MYH16: variants seen among roughly 807,000 people sequenced by gnomAD.
MYH16 encodes the protein myosin heavy chain 16, also known as putative uncharacterized protein MYH16.
chr7:99,286,968 G>A (rs1187100703), intron 28 of MYH16, among the ~76,000 whole-genome samples: 2 of 152,148 alleles, frequency 1.3e-5, no homozygotes, highest in African/African-American at 4.8e-5. Context: ...AAGACAAACA[G>A]AAAGAGTTTG....
intron 4 of MYH16, among the ~76,000 whole-genome samples, chr7:99,249,253 GT>G (rs1366361740): frequency 5.3e-5 from 8 of 152,024 alleles, no homozygotes; most frequent in African/African-American, 1.9e-4. Flanking sequence ...GAACAGAAGT[GT>G]GTACCTTTGA....
exon 33 of MYH16, chr7:99,294,037 C>T (rs1480494935): frequency 6.6e-6 from 3 of 454,710 alleles, no homozygotes; most frequent in Non-Finnish European, 1.3e-5. Context: ...GGCCGCCAGG[C>T]TTCAGGAGGC....
In MYH16 at chr7:99,272,268, A is replaced by G. The variant is rs559112745; in HGVS notation, n.2404-1074A>G. Among the ~76,000 whole-genome samples, 215 of 152,244 alleles carry G rather than the reference A, an allele frequency of 1.4e-3. 1 individual carries two copies. Among genetic ancestry groups the G allele is most frequent in the Admixed American group, 3.8e-3 (58 of 15,286 alleles). ...TTGATTCACATAATGATGCTATGAG[A>G]GGGGCATGGTAGGGCCAGCACCCCC... is the stretch of plus-strand genomic sequence containing the variant. On this transcript the variant is annotated intron_variant and non_coding_transcript_variant, in intron 19 of 41. Transcript: ENST00000439784.
chr7:99,241,621 A>G (rs1157538197), intron 1 of MYH16, among the ~76,000 whole-genome samples: 1 of 152,090 alleles, frequency 6.6e-6, no homozygotes, highest in Non-Finnish European at 1.5e-5. Flanking sequence ...AACAAAAAAC[A>G]GCTTGGTTTA....
chr7:99,282,693 G>A (rs1381640933), intron 23 of MYH16, among the ~76,000 whole-genome samples: 5 of 151,822 alleles, frequency 3.3e-5, no homozygotes, highest in Non-Finnish European at 7.4e-5. Context: ...CTGGAGTGCA[G>A]TTTTCTAAAA....
intron 20 of MYH16, among the ~76,000 whole-genome samples, chr7:99,276,598 A>G (rs732332): frequency 0.071 from 10,761 of 152,336 alleles, 732 homozygotes; most frequent in African/African-American, 0.18. Flanking sequence ...GCACGAGCAA[A>G]TGCTCCCGGC....
intron 5 of MYH16, among the ~76,000 whole-genome samples, chr7:99,250,612 T>C (rs569150973): frequency 1.2e-4 from 19 of 152,270 alleles, no homozygotes; most frequent in Non-Finnish European, 2.5e-4. Flanking sequence ...AGTGGTGGCA[T>C]GTGCCTATAG....
intron 29 of MYH16, among the ~76,000 whole-genome samples, chr7:99,288,866 G>A (rs1009875530): frequency 4.0e-4 from 61 of 151,892 alleles, no homozygotes; most frequent in Admixed American, 3.6e-3. Flanking sequence ...TGTAATCCCA[G>A]CACTTTGAGA....
At chr7:99,296,635 G>T in intron 33 of MYH16, 66 bp from the exon 15 acceptor site, 1 of 442,646 alleles carries the variant, frequency 2.3e-6, no homozygotes. Flanking sequence ...GGTTGGTGGG[G>T]GGGTGGGAGT....
At chr7:99,248,779 C>A (rs1469026166) in intron 3 of MYH16, among the ~76,000 whole-genome samples, 1 of 152,108 alleles carries the variant, frequency 6.6e-6, no homozygotes, top group Non-Finnish European at 1.5e-5. Flanking sequence ...CTGATAAATT[C>A]CTGATCCTTT....
intron 33 of MYH16, among the ~76,000 whole-genome samples, chr7:99,294,536 A>G (rs1792447210): frequency 8.4e-6 from 1 of 119,248 alleles, no homozygotes; most frequent in Admixed American, 8.0e-5. Flanking sequence ...AAAAAGAAAA[A>G]GAAAAAAAGA....
chr7:99,262,306 CAG>C (rs1178967817), intron 13 of MYH16, among the ~76,000 whole-genome samples: 3 of 152,196 alleles, frequency 2.0e-5, no homozygotes, highest in Non-Finnish European at 2.9e-5. Flanking sequence ...AGCCTTAAGA[CAG>C]AGCTGTCAGG....
chr7:99,281,096 G>A (rs1018938849), intron 23 of MYH16, 116 bp downstream of exon 5: 4 of 198,020 alleles, frequency 2.0e-5, no homozygotes, highest in Non-Finnish European at 4.4e-5. Context: ...CCTCAGCTTG[G>A]GGCCTTAGGG....
chr7:99,289,649 C>T (rs1224584846), intron 30 of MYH16, among the ~76,000 whole-genome samples: 1 of 152,226 alleles, frequency 6.6e-6, no homozygotes, highest in Admixed American at 6.5e-5. Context: ...GTGGGAGAGG[C>T]ATTCATGCTG....
chr7:99,294,873 A>G (rs1395820956), intron 33 of MYH16, among the ~76,000 whole-genome samples: 1 of 152,050 alleles, frequency 6.6e-6, no homozygotes, highest in Non-Finnish European at 1.5e-5. Flanking sequence ...GCCCCCAAAA[A>G]AGTTTTAAAT....
At chr7:99,282,467 A>T (rs949354122) in intron 23 of MYH16, among the ~76,000 whole-genome samples, 1 of 151,032 alleles carries the variant, frequency 6.6e-6, no homozygotes, top group African/African-American at 2.4e-5. Flanking sequence ...ATAACATTTT[A>T]TTTTTTTTTA....
intron 10 of MYH16, among the ~76,000 whole-genome samples, chr7:99,257,780 TGG>T (rs1791888720): frequency 6.6e-6 from 1 of 152,134 alleles, no homozygotes; most frequent in South Asian, 2.1e-4. Context: ...TCTCAGTAGC[TGG>T]GACTACAGTG....
chr7:99,291,851 T>A (rs905819639), intron 31 of MYH16, among the ~76,000 whole-genome samples: 3 of 151,908 alleles, frequency 2.0e-5, no homozygotes, highest in East Asian at 1.9e-4. Flanking sequence ...CCCAGCTACT[T>A]GGGAGGCCGA....
At chr7:99,246,249 A>G (rs1791728602) in intron 2 of MYH16, among the ~76,000 whole-genome samples, 2 of 151,950 alleles carry the variant, frequency 1.3e-5, no homozygotes, top group South Asian at 4.1e-4. Context: ...AGAGAAAGAA[A>G]GAAAAAAACA....
Sources: gnomAD v4.1 joint callset for allele counts (sites outside exome capture counted in the v4.1 genomes callset) on GRCh38, gnomAD v4.1.1 for gene constraint, MANE v1.5 for transcripts, NCBI Gene and HGNC (gene_info 2026-07-23, HGNC 2026-07-21) for gene names.